The following ZNRF1 variants were observed in gnomAD, a reference collection of about 807,000 sequenced individuals.
ZNRF1 encodes the protein zinc and ring finger 1, also known as E3 ubiquitin-protein ligase ZNRF1.
A neutral mutation model predicts 18.4 loss-of-function variants in ZNRF1; 3 were observed. The ratio of observed to expected loss-of-function variants is 0.16; its 90% CI spans 0.07 to 0.42. ZNRF1 has a LOEUF of 0.42. Among genes scored for constraint, ZNRF1 ranks in the 10% least tolerant of loss-of-function variants. The pLI is 0.99. For synonymous variants in ZNRF1, 157 were observed against 144.2 expected (o/e 1.09, Z -0.64); for missense variants, 310 against 329.8 (o/e 0.94, Z 0.47).
chr16:75,048,165 C>T (rs964992579), intron 1 of ZNRF1, among the ~76,000 whole-genome samples: 9 of 152,068 alleles, frequency 5.9e-5, no homozygotes, highest in African/African-American at 9.7e-5. Context: ...TGCCCAGGCT[C>T]ATCTCAAACT....
intron 1 of ZNRF1, among the ~76,000 whole-genome samples, chr16:75,088,224 A>G (rs966946643): frequency 4.6e-5 from 7 of 152,228 alleles, no homozygotes; most frequent in Non-Finnish European, 7.3e-5. Flanking sequence ...GATTTGGGCA[A>G]TAGACTGGGA....
At chr16:75,047,857 C>T (rs2035536592) in intron 1 of ZNRF1, among the ~76,000 whole-genome samples, 1 of 152,080 alleles carries the variant, frequency 6.6e-6, no homozygotes. Flanking sequence ...AGGGTTGTTT[C>T]TTCTGAGGCC....
intron 1 of ZNRF1, among the ~76,000 whole-genome samples, chr16:75,029,755 C>A (rs900432238): frequency 6.6e-6 from 1 of 151,588 alleles, no homozygotes; most frequent in Admixed American, 6.6e-5. Flanking sequence ...GGTAACAGAG[C>A]GAGACTCCAT....
intron 1 of ZNRF1, among the ~76,000 whole-genome samples, chr16:75,010,779 C>G (rs1254334465): frequency 7.3e-6 from 1 of 136,070 alleles, no homozygotes; most frequent in East Asian, 2.4e-4. Context: ...GGCATGATCT[C>G]CACTCACTGC....
At chr16:75,048,302 G>A (rs1597879271) in intron 1 of ZNRF1, among the ~76,000 whole-genome samples, 1 of 152,016 alleles carries the variant, frequency 6.6e-6, no homozygotes, top group South Asian at 2.1e-4. Flanking sequence ...GGCCCACCCC[G>A]ATGACCTCAT....
chr16:75,050,076 G>A (rs1443348088), intron 1 of ZNRF1, among the ~76,000 whole-genome samples: 2 of 152,102 alleles, frequency 1.3e-5, no homozygotes, highest in African/African-American at 4.8e-5. Context: ...TATATAAATG[G>A]AATCATAGGG....
Position 75,007,997 on chromosome 16 carries a change from T to C in ZNRF1, c.424+7902T>C, listed in dbSNP as rs148752011. Among the ~76,000 whole-genome samples the C allele has an allele frequency of 6.6e-5, 10 of 152,276 alleles. No individual in the cohort carries two copies. In the East Asian group the frequency reaches 1.9e-3, roughly 29 times the overall value. On this transcript the variant is annotated intron_variant, in intron 1 of 4. Transcript: ENST00000335325. ...CTCAAGCCTTAGCCTCTGGAGTATC[T>C]GGGACTACAGATGCTATGCTACCAT...
Position 75,106,640 on chromosome 16 carries a change from T to C in ZNRF1, c.*32+69T>C, listed in dbSNP as rs555418731. 171 of 1,353,500 alleles carry C rather than the reference T, an allele frequency of 1.3e-4. 2 individuals are homozygous for C. The East Asian group carries it at 3.7e-3, about 29-fold the overall frequency. The allele number at this position is 1,353,500 out of a possible 1,614,324, so 83.8% of individuals were successfully genotyped here. On this transcript the variant is annotated intron_variant, in intron 4 of 4. Transcript: ENST00000335325. ...CAGGTCACTTTGGGGGCCTGCAGTT[T>C]AGGGAGCCGGGCTGCCCTTATGCCA...
At chr16:75,000,374 C>A (rs1250581178) in intron 1 of ZNRF1, 1 of 624,422 alleles carries the variant, frequency 1.6e-6, no homozygotes, top group Non-Finnish European at 3.0e-6. Flanking sequence ...TGGCATCACC[C>A]TCCTCAGAGA....
intron 1 of ZNRF1, among the ~76,000 whole-genome samples, chr16:75,046,295 A>G (rs2035514200): frequency 6.6e-6 from 1 of 151,858 alleles, no homozygotes; most frequent in Non-Finnish European, 1.5e-5. Flanking sequence ...TCTGTCACCC[A>G]GGCTGAAGTG....
At chr16:75,021,254 G>T (rs2035143854) in intron 1 of ZNRF1, among the ~76,000 whole-genome samples, 1 of 151,880 alleles carries the variant, frequency 6.6e-6, no homozygotes, top group Admixed American at 6.6e-5. Context: ...GGCCAGGCTG[G>T]TCTCAAACTC....
intron 1 of ZNRF1, among the ~76,000 whole-genome samples, chr16:75,057,719 T>C (rs1161143784): frequency 6.6e-6 from 1 of 152,224 alleles, no homozygotes; most frequent in Non-Finnish European, 1.5e-5. Flanking sequence ...TACTGCAACT[T>C]CCGTCTCCCG....
At chr16:75,065,087 A>C (rs991781535) in intron 1 of ZNRF1, among the ~76,000 whole-genome samples, 1 of 152,216 alleles carries the variant, frequency 6.6e-6, no homozygotes, top group Admixed American at 6.5e-5. Flanking sequence ...GAAAAAAGGG[A>C]ATGTGTTTTC....
At chr16:75,015,629 G>T (rs2035055777) in intron 1 of ZNRF1, among the ~76,000 whole-genome samples, 1 of 152,134 alleles carries the variant, frequency 6.6e-6, no homozygotes, top group South Asian at 2.1e-4. Flanking sequence ...TGTTGCCCAG[G>T]CTGGACTGTA....
At chr16:75,074,124 A>G (rs182784087) in intron 1 of ZNRF1, among the ~76,000 whole-genome samples, 2 of 152,086 alleles carry the variant, frequency 1.3e-5, no homozygotes, top group African/African-American at 4.8e-5. Flanking sequence ...TTCCGCGTGC[A>G]TGTGTAAAAC....
chr16:75,037,658 A>G (rs1164007056), intron 1 of ZNRF1, among the ~76,000 whole-genome samples: 2 of 152,120 alleles, frequency 1.3e-5, no homozygotes, highest in Non-Finnish European at 2.9e-5. Flanking sequence ...GTTTGTGGGT[A>G]GATCTCCCCC....
intron 2 of ZNRF1, chr16:75,095,672 C>T: frequency 6.5e-6 from 10 of 1,549,978 alleles, no homozygotes; most frequent in South Asian, 1.2e-5. Context: ...GCAAGAGCAG[C>T]CGTGGAGGAC....
At chr16:75,003,887 C>T (rs1597851528) in intron 1 of ZNRF1, among the ~76,000 whole-genome samples, 1 of 152,032 alleles carries the variant, frequency 6.6e-6, no homozygotes, top group Admixed American at 6.6e-5. Flanking sequence ...AGTCAAAGGA[C>T]ATTCTAAATG....
rs1157978410 is a variant in ZNRF1 at position 75,095,557 on chromosome 16, G to C, written c.520+1890G>C. 2.0e-6 allele frequency: 3 copies of C among 1,486,610 alleles called. No individual in the cohort carries two copies. The South Asian group carries it at 3.9e-5, about 19-fold the overall frequency. The allele number at this position is 1,486,610 out of a possible 1,614,324, so 92.1% of individuals were successfully genotyped here. A position where few individuals can be genotyped will look rare whatever the true frequency, so the allele number is the denominator to read the frequency against. On this transcript the variant is annotated intron_variant, in intron 2 of 4. Transcript: ENST00000335325. The stretch of plus-strand genomic sequence containing the variant: ...CATGAAGTCCTCCGTTTGTCCTGTG[G>C]GTTGCTAGGGCGTTCTCTGTAGACA...
Sources: allele counts gnomAD v4.1 joint callset (sites outside exome capture counted in the v4.1 genomes callset), GRCh38; gene constraint gnomAD v4.1.1; transcripts MANE v1.5; gene names NCBI Gene and HGNC (gene_info 2026-07-23, HGNC 2026-07-21).